The following PLD4 variants were observed in gnomAD, a reference collection of about 807,000 sequenced individuals.
The protein encoded by PLD4 is phospholipase D family member 4.
In PLD4, 54 loss-of-function variants were observed where a neutral mutation model predicts 52.3. The ratio of observed to expected loss-of-function variants is 1.03; its 90% CI spans 0.83 to 1.30. The LOEUF is 1.30. Ranked by LOEUF, PLD4 falls within the 50% of genes most tolerant of loss-of-function variation. The pLI, the probability that PLD4 is intolerant of heterozygous loss-of-function variation, is 0.00. For synonymous variants in PLD4, 264 were observed against 286.5 expected, an observed-to-expected ratio of 0.92 and a Z score of 0.79; for missense variants, 731 against 671.1, an observed-to-expected ratio of 1.09 and a Z score of -0.99.
chr14:104,926,981 C>A, intron 1 of PLD4, 160 bp from the exon 2 acceptor site: 3 of 551,732 alleles, frequency 5.4e-6, no homozygotes, highest in Non-Finnish European at 8.7e-6. Flanking sequence ...GAAAGCACAC[C>A]CCCAACATCC....
Position 104,930,854 on chromosome 14 carries a change from C to T in PLD4, c.830C>T (p.Thr277Ile). The T allele has an allele frequency of 6.2e-7, 1 of 1,613,636 alleles. No homozygotes were observed. The highest frequency in any genetic ancestry group is 8.5e-7 in the Non-Finnish European group (1 of 1,180,038). The stretch of plus-strand genomic sequence containing the variant: ...GTGCCCAAGGCTGTCCTCCCCAAAA[C>T]CTGGCCTCAGAACTTCTCATCTCAC... ...LGVPKAVLPK[T>I]WPQNFSSHFN... is the part of the protein sequence containing the mutation. The change falls in exon 7 of 11, where the codon ACC (threonine) becomes ATC (isoleucine). Residue 277 changes from threonine to isoleucine, a missense_variant. Thr to Ile is a moderately conservative substitution (Grantham distance 89). Coordinates refer to ENST00000392593, the MANE Select transcript of PLD4 (RefSeq NM_138790.5).
At chr14:104,928,992 C>G (rs774166521) in intron 4 of PLD4, 60 bp downstream of exon 4, 36 of 1,540,616 alleles carry the variant, frequency 2.3e-5, no homozygotes, top group Admixed American at 3.7e-5. Flanking sequence ...GTCAGGCTGC[C>G]TATCTATGCA....
Position 104,933,008 on chromosome 14 carries a change from C to G in PLD4, c.*44C>G, listed in dbSNP as rs780334968. On this transcript the variant is annotated 3_prime_UTR_variant, in exon 11 of 11. Coordinates refer to ENST00000392593, the MANE Select transcript of PLD4 (RefSeq NM_138790.5). ...TCGGCGACCCCGCCCCGCACGCGCC[C>G]TCCCCTCTGACCCCGGCCTGGGCTT... 8.6e-6 allele frequency: 13 copies of G among 1,506,846 alleles called. No homozygotes were observed. The East Asian group carries it at 3.3e-4, about 38-fold the overall frequency. The allele number at this position is 1,506,846 out of a possible 1,614,324, so 93.3% of individuals were successfully genotyped here. A position where few individuals can be genotyped will look rare whatever the true frequency, so the allele number is the denominator to read the frequency against.
intron 1 of PLD4, among the ~76,000 whole-genome samples, chr14:104,925,737 G>A (rs1008994683): frequency 1.3e-5 from 2 of 152,084 alleles, no homozygotes. Flanking sequence ...GGACAGTGGG[G>A]ACACGGTGGG....
chr14:104,929,588 A>G (rs1472963052), intron 5 of PLD4, among the ~76,000 whole-genome samples, 161 bp downstream of exon 5: 1 of 152,190 alleles, frequency 6.6e-6, no homozygotes, highest in African/African-American at 2.4e-5. Flanking sequence ...AGGTCCTTTG[A>G]GTCAGCTTCA....
rs779334318 is a variant in PLD4, at chr14:104,927,744, GC to G, written c.166del (p.Arg56ValfsTer182). On this transcript the variant is annotated frameshift_variant, in exon 3 of 11. Transcript: ENST00000392593. LOFTEE classifies it high-confidence loss of function. ...CTCTTATCTGCCTCCTGTGGCAAGT[GC>G]CCCGTCCTCCCACCTGGGGCCAGGT... ...VALICLLWQV[P>X]RPPTWGQVQP... 1 of 1,598,522 alleles carries G rather than the reference GC, an allele frequency of 6.3e-7. No homozygotes were observed. Among genetic ancestry groups the G allele is most frequent in the Non-Finnish European group, 8.5e-7 (1 of 1,176,260 alleles).
intron 1 of PLD4, among the ~76,000 whole-genome samples, chr14:104,926,403 C>T (rs1897457840): frequency 1.3e-5 from 2 of 152,174 alleles, no homozygotes; most frequent in South Asian, 4.1e-4. Context: ...TGGGAGCCCA[C>T]ATCCCACAGG....
intron 1 of PLD4, among the ~76,000 whole-genome samples, chr14:104,925,563 G>A (rs1897426528): frequency 6.6e-6 from 1 of 152,138 alleles, no homozygotes; most frequent in African/African-American, 2.4e-5. Context: ...CAGGGAGTGT[G>A]GGGAGCAGCT....
chr14:104,931,657 A>G (rs2140802898), intron 7 of PLD4, 91 bp from the exon 8 acceptor site: 1 of 1,469,834 alleles, frequency 6.8e-7, no homozygotes, highest in East Asian at 2.5e-5. Flanking sequence ...CCTCCACACC[A>G]CATGGGGCCT....
chr14:104,931,671 A>G, intron 7 of PLD4, 77 bp from the exon 8 acceptor site: 2 of 1,504,830 alleles, frequency 1.3e-6, no homozygotes, highest in Non-Finnish European at 1.8e-6. Flanking sequence ...GGGGCCTCTT[A>G]GGTGGTGCAT....
chr14:104,925,040 AG>A (rs1897410987), intron 1 of PLD4, 50 bp downstream of exon 1: 1 of 152,650 alleles, frequency 6.6e-6, no homozygotes, highest in Non-Finnish European at 1.5e-5. Flanking sequence ...GCATGGGGAA[AG>A]GGCTGCTGTC....
downstream of PLD4, chr14:104,934,708 TTGTGTCCCTGCCACAC>T (rs1897772241): frequency 6.6e-6 from 1 of 152,238 alleles, no homozygotes; most frequent in Admixed American, 6.5e-5. Context: ...TTTCCTACAT[TTGTGTCCCTGCCACAC>T]TGTGAACTCA....
chr14:104,930,018 G>C lies in PLD4; in HGVS notation c.630G>C (p.Arg210Ser), dbSNP rs1224427095. ...AGGTGCCCATGGGGCGGCTCACCAGGGGTGTTTTGCACTCCAAATTCTGGG... is the reference window on the plus strand; with the variant it reads ...AGGTGCCCATGGGGCGGCTCACCAGCGGTGTTTTGCACTCCAAATTCTGGG... Reference protein sequence around the residue: ...VRQVPMGRLTRGVLHSKFWVV... With the variant: ...VRQVPMGRLTSGVLHSKFWVV... The change falls in exon 6 of 11, where the codon AGG becomes AGC. Residue 210 changes from arginine to serine, a missense_variant. Physicochemically the swap from Arg to Ser is moderately radical, Grantham distance 110. Transcript: ENST00000392593. The C allele has an allele frequency of 6.2e-7, 1 of 1,613,644 alleles. No individual in the cohort carries two copies. Among genetic ancestry groups the C allele is most frequent in the East Asian group, 2.2e-5 (1 of 44,878 alleles).
intron 4 of PLD4, 146 bp from the exon 5 acceptor site, chr14:104,929,161 C>G: frequency 2.2e-6 from 3 of 1,360,254 alleles, no homozygotes; most frequent in Admixed American, 2.5e-5. Flanking sequence ...CAGTTTGGCT[C>G]TCACCAAGGG....
At chr14:104,928,241 C>T (rs926349538) in intron 3 of PLD4, among the ~76,000 whole-genome samples, 3 of 152,140 alleles carry the variant, frequency 2.0e-5, no homozygotes, top group Non-Finnish European at 4.4e-5. Context: ...CCAGGACTGC[C>T]CCGGAGGAAC....
chr14:104,933,078 G>A lies in PLD4; in HGVS notation c.*114G>A. ...GCAGCCCGGGTCCGCACTGCGCCAG[G>A]AGCCGCCTGCGACCGCCCGGGCGTC... On this transcript the variant is annotated 3_prime_UTR_variant, in exon 11 of 11. Coordinates refer to ENST00000392593, the MANE Select transcript of PLD4 (RefSeq NM_138790.5). The A allele has an allele frequency of 7.9e-7, 1 of 1,270,148 alleles. No homozygotes were observed. The highest frequency in any genetic ancestry group is 1.7e-5 in the South Asian group (1 of 59,924). 78.7% of individuals were successfully genotyped at this position (1,270,148 alleles called of 1,614,324 possible).
At position 104,930,659 on chromosome 14, in the gene PLD4, C is replaced by T. The variant is rs1211857880; in HGVS notation, c.718-83C>T. 2.5e-5 allele frequency: 37 copies of T among 1,478,654 alleles called. 1 individual carries two copies. Among genetic ancestry groups the T allele is most frequent in the Non-Finnish European group, 3.5e-5 (37 of 1,065,370 alleles). The allele number at this position is 1,478,654 out of a possible 1,614,324, so 91.6% of individuals were successfully genotyped here. On this transcript the variant is annotated intron_variant, in intron 6 of 10. Coordinates refer to ENST00000392593, the MANE Select transcript of PLD4 (RefSeq NM_138790.5). ...AGTCGGGCAGGGACTGCACCTGCCC[C>T]AACATCCCTGGCCTGGGTGGAGTGG...
At position 104,930,123 on chromosome 14, in the gene PLD4, A is replaced by C. The variant is rs1595380224; in HGVS notation, c.717+18A>C. 6.2e-7 allele frequency: 1 copy of C among 1,612,656 alleles called. No individual in the cohort carries two copies. The highest frequency in any genetic ancestry group is 2.2e-5 in the East Asian group (1 of 44,874). On this transcript the variant is annotated intron_variant, in intron 6 of 10. Transcript: ENST00000392593. ...TGACGCAGGTGAGTGCCAGGGCCCTAACACAGGAGGCCTGCCTGAAGCGTT... is the reference window on the plus strand; with the variant it reads ...TGACGCAGGTGAGTGCCAGGGCCCTCACACAGGAGGCCTGCCTGAAGCGTT...
chr14:104,927,924 G>C, intron 3 of PLD4, 58 bp downstream of exon 3: 1 of 1,459,520 alleles, frequency 6.9e-7, no homozygotes, highest in Non-Finnish European at 9.1e-7. Flanking sequence ...TGCTGCCTGT[G>C]TTTCTGCCCT....
Sources: gnomAD v4.1 joint callset for allele counts (sites outside exome capture counted in the v4.1 genomes callset) on GRCh38, gnomAD v4.1.1 for gene constraint, MANE v1.5 for transcripts, NCBI Gene and HGNC (gene_info 2026-07-23, HGNC 2026-07-21) for gene names.